The following MUC5AC variants were observed in gnomAD, a reference collection of about 807,000 sequenced individuals.
The protein encoded by MUC5AC is mucin 5AC, oligomeric mucus/gel-forming, also known as mucin-5AC.
In MUC5AC, 158 loss-of-function variants were observed where a neutral mutation model predicts 169.7. The ratio of observed to expected loss-of-function variants is 0.93; its 90% CI spans 0.82 to 1.06. MUC5AC has a LOEUF of 1.06. Among genes scored for constraint, MUC5AC ranks in the 50% least tolerant of loss-of-function variants. MUC5AC has a pLI of 0.00. For missense variants in MUC5AC, 4,359 were observed against 3,089.9 expected (o/e 1.41, Z -9.74); for synonymous variants, 1,975 against 1,237.0 (o/e 1.60, Z -12.52).
At position 1,187,846 on chromosome 11, in the gene MUC5AC, T is replaced by G. The variant is rs1230855371; in HGVS notation, c.9701T>G (p.Ile3234Arg). Residue 3234 changes from isoleucine to arginine, a missense_variant, in exon 31 of 49, where the codon ATA (isoleucine) becomes AGA (arginine). Physicochemically the swap from Ile to Arg is moderately conservative, Grantham distance 97. Coordinates refer to ENST00000621226, the MANE Select transcript of MUC5AC (RefSeq NM_001304359.2). ...TGCACCTGGACCAAGTGGTTTGACATAGACTTCCCATCCCCTGGACCCCAC... is the reference window on the plus strand; with the variant it reads ...TGCACCTGGACCAAGTGGTTTGACAGAGACTTCCCATCCCCTGGACCCCAC... Reference protein sequence around the residue: ...LRCTWTKWFDIDFPSPGPHGG... With the variant: ...LRCTWTKWFDRDFPSPGPHGG... 23 of 764,224 alleles carry G rather than the reference T, an allele frequency of 3.0e-5. No homozygotes were observed. The highest frequency in any genetic ancestry group is 5.0e-5 in the Non-Finnish European group (21 of 417,420). The allele number at this position is 764,224 out of a possible 1,614,324, so 47.3% of individuals were successfully genotyped here.
At chr11:1,160,586 G>T in intron 1 of MUC5AC, 26 bp from the exon 2 acceptor site, 1 of 1,593,866 alleles carries the variant, frequency 6.3e-7, no homozygotes, top group Non-Finnish European at 8.5e-7. Flanking sequence ...CTGCATCTGG[G>T]CTCAGCCCCC....
At position 1,182,475 on chromosome 11, in the gene MUC5AC, C is replaced by G; in HGVS notation, c.4330C>G (p.Gln1444Glu). The G allele has an allele frequency of 2.5e-6, 1 of 398,692 alleles. No homozygotes were observed. Among genetic ancestry groups the G allele is most frequent in the Non-Finnish European group, 4.4e-6 (1 of 226,108 alleles). 24.7% of individuals were successfully genotyped at this position (398,692 alleles called of 1,614,324 possible). Residue 1444 changes from glutamine (Q) to glutamate (E), a missense_variant, in exon 31 of 49, where the codon CAG becomes GAG. Coordinates refer to ENST00000621226, the MANE Select transcript of MUC5AC (RefSeq NM_001304359.2). ...CGGAGTGCCGCTCCGAGCCCTGGGG[C>G]AGCGTGTGCAGTGCAGCCCGGATGT... ...APGVPLRALG[Q>E]RVQCSPDVGL...
chr11:1,162,009 A>G lies in MUC5AC; in HGVS notation c.314A>G (p.Tyr105Cys), dbSNP rs1041910045. ...DVFRFPGLCNYVFSEHCGAAY... is the reference protein window; with the variant it reads ...DVFRFPGLCNCVFSEHCGAAY... The stretch of plus-strand genomic sequence containing the variant: ...TTCCGCTTCCCCGGCCTCTGCAACT[A>G]CGTGTTCTCCGAGCACTGCGGTGCC... The change falls in exon 4 of 49, where the codon TAC (tyrosine) becomes TGC (cysteine). Residue 105 changes from tyrosine to cysteine, a missense_variant. Physicochemically the swap from Tyr to Cys is radical, Grantham distance 194. Transcript: ENST00000621226. 4 of 1,612,418 alleles carry G rather than the reference A, an allele frequency of 2.5e-6. No individual in the cohort carries two copies. In the African/African-American group the frequency reaches 5.3e-5, roughly 22 times the overall value.
rs1338206193 is a variant in MUC5AC, at chr11:1,187,610, T to TCCCAGCCCTGTTCCCACCACC, written c.9466_9486dup (p.Pro3156_Thr3162dup). On this transcript the variant is annotated inframe_insertion, in exon 31 of 49. Transcript: ENST00000621226. ...GCAAAACCTCTGGTCCTGGAACCACTCCCAGCCCTGTTCCCACCACCAGCA... is the reference window on the plus strand; with the variant it reads ...GCAAAACCTCTGGTCCTGGAACCACTCCCAGCCCTGTTCCCACCACCCCCAGCCCTGTTCCCACCACCAGCA... 1.3e-6 allele frequency: 1 copy of TCCCAGCCCTGTTCCCACCACC among 751,172 alleles called. No homozygotes were observed. The highest frequency in any genetic ancestry group is 1.8e-5 in the African/African-American group (1 of 54,492). 46.5% of individuals were successfully genotyped at this position (751,172 alleles called of 1,614,324 possible).
chr11:1,180,605 A>G (rs964255647), intron 28 of MUC5AC, 89 bp downstream of exon 28: 6 of 398,458 alleles, frequency 1.5e-5, no homozygotes, highest in Non-Finnish European at 2.2e-5. Flanking sequence ...TGGGAGCGGC[A>G]GGGCTGGGGA....
intron 15 of MUC5AC, among the ~76,000 whole-genome samples, chr11:1,169,934 TCGCC>T (rs1860450905): frequency 3.4e-5 from 4 of 118,674 alleles, no homozygotes; most frequent in Admixed American, 8.5e-5. Context: ...ATTCACTCAC[TCGCC>T]CACTCACCCA....
In MUC5AC at chr11:1,162,089, A is replaced by C; in HGVS notation, c.394A>C (p.Thr132Pro). The C allele has an allele frequency of 6.2e-7, 1 of 1,612,560 alleles. No individual in the cohort carries two copies. Among genetic ancestry groups the C allele is most frequent in the Non-Finnish European group, 8.5e-7 (1 of 1,179,800 alleles). ...CCGCAGCCAGGAGTCAGCGGCCCCC[A>C]CGCTGAGCAGGGTCCTCATGAAGGT... ...LRRSQESAAP[T>P]LSRVLMKVDG... The change falls in exon 4 of 49, where the codon ACG becomes CCG. Residue 132 changes from threonine (T) to proline (P), a missense_variant. Physicochemically the swap from Thr to Pro is conservative, Grantham distance 38. Transcript: ENST00000621226.
intron 31 of MUC5AC, 74 bp from the exon 32 acceptor site, chr11:1,192,709 C>G (rs1861154401): frequency 1.4e-6 from 1 of 695,444 alleles, no homozygotes; most frequent in Non-Finnish European, 2.6e-6. Flanking sequence ...AAGTGCCCCT[C>G]TGGCTCTGGG....
chr11:1,159,448 TC>T (rs1421187383), intron 1 of MUC5AC, among the ~76,000 whole-genome samples: 1 of 118,434 alleles, frequency 8.4e-6, no homozygotes, highest in Non-Finnish European at 1.7e-5. Context: ...GGGGGTCTGG[TC>T]CCCCCATGCT....
intron 15 of MUC5AC, among the ~76,000 whole-genome samples, chr11:1,170,639 A>G (rs1458704101): frequency 0.058 from 6,399 of 109,658 alleles, 144 homozygotes; most frequent in Non-Finnish European, 0.076. Context: ...CCACTCACCC[A>G]TTCACCCATT....
At chr11:1,174,426 C>A in intron 16 of MUC5AC, 70 bp from the exon 17 acceptor site, 1 of 962,898 alleles carries the variant, frequency 1.0e-6, no homozygotes, top group Non-Finnish European at 1.5e-6. Flanking sequence ...GATGTGTGGC[C>A]TGCAGGGCGT....
Position 1,194,121 on chromosome 11 carries a change from G to A in MUC5AC, c.14767G>A (p.Gly4923Ser), listed in dbSNP as rs772605646. 7 of 764,916 alleles carry A rather than the reference G, an allele frequency of 9.2e-6. No individual in the cohort carries two copies. The highest frequency in any genetic ancestry group is 1.7e-5 in the African/African-American group (1 of 59,276). The allele number at this position is 764,916 out of a possible 1,614,324, so 47.4% of individuals were successfully genotyped here. A position where few individuals can be genotyped will look rare whatever the true frequency, so the allele number is the denominator to read the frequency against. The change falls in exon 34 of 49, where the codon GGC (glycine) becomes AGC (serine). Residue 4923 changes from glycine to serine, a missense_variant. Coordinates refer to ENST00000621226, the MANE Select transcript of MUC5AC (RefSeq NM_001304359.2). ...HHYQCQCVCS[G>S]WGDPHYITFD... ...CTGGGGCCTGGCAGGTGTGTGCAGC[G>A]GCTGGGGTGACCCCCACTACATCAC...
Position 1,189,474 on chromosome 11 carries a change from T to A in MUC5AC, c.11329T>A (p.Ser3777Thr). 1 of 563,504 alleles carries A rather than the reference T, an allele frequency of 1.8e-6. No homozygotes were observed. Among genetic ancestry groups the A allele is most frequent in the Non-Finnish European group, 3.1e-6 (1 of 320,338 alleles). The allele number at this position is 563,504 out of a possible 1,614,324, so 34.9% of individuals were successfully genotyped here. A position where few individuals can be genotyped will look rare whatever the true frequency, so the allele number is the denominator to read the frequency against. Residue 3777 changes from serine to threonine, a missense_variant, in exon 31 of 49, where the codon TCT becomes ACT. Coordinates refer to ENST00000621226, the MANE Select transcript of MUC5AC (RefSeq NM_001304359.2). ...TSSAPTTNTTSAPTTSTTSAP... is the reference protein window; with the variant it reads ...TSSAPTTNTTTAPTTSTTSAP... ...CTCGGCTCCTACAACCAACACAACC[T>A]CTGCCCCTACAACTAGCACTACCTC...
intron 19 of MUC5AC, among the ~76,000 whole-genome samples, chr11:1,175,796 ACACC>A (rs1317030241): frequency 0.85 from 88,485 of 104,614 alleles, 36,366 homozygotes; most frequent in East Asian, 0.97. Flanking sequence ...ACACGCACTC[ACACC>A]CACCCACTCA....
At chr11:1,197,047 G>A in intron 40 of MUC5AC, 139 bp downstream of exon 40, 1 of 634,648 alleles carries the variant, frequency 1.6e-6, no homozygotes, top group South Asian at 1.8e-5. Context: ...CCCAGAGAAA[G>A]GGCTGCGGGA....
At chr11:1,199,531 C>T in intron 46 of MUC5AC, 41 bp downstream of exon 46, 3 of 701,802 alleles carry the variant, frequency 4.3e-6, no homozygotes, top group Non-Finnish European at 7.8e-6. Context: ...GGGGGCTTCA[C>T]CCCTAGATGG....
chr11:1,197,956 G>T lies in MUC5AC; in HGVS notation c.16087G>T (p.Ala5363Ser). 1 of 737,440 alleles carries T rather than the reference G, an allele frequency of 1.4e-6. No individual in the cohort carries two copies. The highest frequency in any genetic ancestry group is 2.5e-6 in the Non-Finnish European group (1 of 405,574). The allele number at this position is 737,440 out of a possible 1,614,324, so 45.7% of individuals were successfully genotyped here. A position where few individuals can be genotyped will look rare whatever the true frequency, so the allele number is the denominator to read the frequency against. Residue 5363 changes from alanine to serine, a missense_variant, in exon 42 of 49, where the codon GCG (alanine) becomes TCG (serine). Coordinates refer to ENST00000621226, the MANE Select transcript of MUC5AC (RefSeq NM_001304359.2). ...CGTGGGCTGTCCTGAGGGCGCCCGCGCGATCCCGACCTACCAGGAGGGGGC... is the reference window on the plus strand; with the variant it reads ...CGTGGGCTGTCCTGAGGGCGCCCGCTCGATCCCGACCTACCAGGAGGGGGC... The part of the protein sequence containing the change: ...APVGCPEGAR[A>S]IPTYQEGACC...
intron 11 of MUC5AC, among the ~76,000 whole-genome samples, chr11:1,166,424 G>A (rs1172326498): frequency 7.6e-6 from 1 of 131,564 alleles, no homozygotes; most frequent in Non-Finnish European, 1.6e-5. Flanking sequence ...GTCTCTGCAC[G>A]ATGAGAGCCT....
At chr11:1,170,547 G>A (rs1275684083) in intron 15 of MUC5AC, among the ~76,000 whole-genome samples, 164 of 34,618 alleles carry the variant, frequency 4.7e-3, no homozygotes, top group South Asian at 8.2e-3. Context: ...TCACTCACTC[G>A]CCCACTCACC....
Sources: allele counts gnomAD v4.1 joint callset (sites outside exome capture counted in the v4.1 genomes callset), GRCh38; gene constraint gnomAD v4.1.1; transcripts MANE v1.5; gene names NCBI Gene and HGNC (gene_info 2026-07-23, HGNC 2026-07-21).